SSPN: variants seen among roughly 807,000 people sequenced by gnomAD.
SSPN encodes sarcospan.
SSPN carries 15 observed loss-of-function variants against 19.1 expected under a neutral mutation model. That is an observed-to-expected ratio of 0.78 (90% CI 0.52 to 1.21). The LOEUF is 1.21. Ranked by LOEUF, SSPN falls within the 50% of genes most tolerant of loss-of-function variation. The probability of loss-of-function intolerance (pLI) is 0.00; values close to 1 mark genes in which losing one functional copy is unlikely to be tolerated. For synonymous variants in SSPN, 147 were observed against 140.3 expected (o/e 1.05, Z -0.34); for missense variants, 291 against 314.0 (o/e 0.93, Z 0.55).
chr12:26,150,533 T>C (rs144362785), intron 1 of SSPN, among the ~76,000 whole-genome samples: 9 of 152,342 alleles, frequency 5.9e-5, no homozygotes, highest in African/African-American at 2.2e-4. Flanking sequence ...AAGAGCTCAT[T>C]TACAAGTATG....
At chr12:26,201,048 A>ATAT (rs1555179578) in intron 1 of SSPN, among the ~76,000 whole-genome samples, 2,158 of 64,374 alleles carry the variant, frequency 0.034, 30 homozygotes, top group Admixed American at 0.048. Context: ...TATATATATT[A>ATAT]TATATATATA....
intron 1 of SSPN, chr12:26,124,994 GC>G: frequency 1.6e-6 from 1 of 635,904 alleles, no homozygotes; most frequent in Non-Finnish European, 2.9e-6. Flanking sequence ...ACTCGCGCCG[GC>G]CCCACTGCGC....
At chr12:26,178,699 A>G (rs1257416646) in intron 1 of SSPN, among the ~76,000 whole-genome samples, 1 of 152,218 alleles carries the variant, frequency 6.6e-6, no homozygotes, top group Non-Finnish European at 1.5e-5. Context: ...CACAGACACA[A>G]GAAGCTTGGA....
chr12:26,134,432 T>A (rs574943492), intron 1 of SSPN, among the ~76,000 whole-genome samples: 1 of 152,258 alleles, frequency 6.6e-6, no homozygotes, highest in Non-Finnish European at 1.5e-5. Context: ...AAGACTCATA[T>A]GACTTTTCAG....
chr12:26,126,143 G>A lies in SSPN; in HGVS notation c.-31+3991G>A, dbSNP rs898320979. 1.2e-4 allele frequency: 19 copies of A among 152,324 alleles called. 1 individual carries two copies. Among genetic ancestry groups the A allele is most frequent in the Admixed American group, 1.1e-3 (17 of 15,306 alleles). The allele number at this position is 152,324 out of a possible 1,614,324, so 9.4% of individuals were successfully genotyped here. A position where few individuals can be genotyped will look rare whatever the true frequency, so the allele number is the denominator to read the frequency against. On this transcript the variant is annotated intron_variant, in intron 1 of 2. Transcript: ENST00000538142. Reference sequence around the variant, plus strand: ...TCGCCCTGCAGCCGCGGCGCTCGGCGCCGGGAATCACAGGCCAGCAAGAGC... The same window carrying A: ...TCGCCCTGCAGCCGCGGCGCTCGGCACCGGGAATCACAGGCCAGCAAGAGC...
At chr12:26,200,112 T>C (rs1178998273) in intron 1 of SSPN, among the ~76,000 whole-genome samples, 1 of 152,226 alleles carries the variant, frequency 6.6e-6, no homozygotes, top group Non-Finnish European at 1.5e-5. Flanking sequence ...AAAGTGAGAA[T>C]TTCTTTGCCT....
intron 2 of SSPN, among the ~76,000 whole-genome samples, chr12:26,228,235 A>T (rs1945196523): frequency 6.6e-6 from 1 of 151,870 alleles, no homozygotes; most frequent in Non-Finnish European, 1.5e-5. Flanking sequence ...GTCTCTATCA[A>T]AAAAAATACA....
At chr12:26,230,053 A>C (rs1469759753) in intron 2 of SSPN, among the ~76,000 whole-genome samples, 1 of 152,198 alleles carries the variant, frequency 6.6e-6, no homozygotes, top group East Asian at 1.9e-4. Flanking sequence ...TTTCAGGCTC[A>C]GGAATCACAT....
At chr12:26,123,612 C>A in intron 1 of SSPN, 1 of 1,572,640 alleles carries the variant, frequency 6.4e-7, no homozygotes, top group East Asian at 2.2e-5. Flanking sequence ...GTAGGCTGGC[C>A]TCCCTGAACT....
At chr12:26,193,568 G>A (rs1944801953), upstream of SSPN, among the ~76,000 whole-genome samples, 1 of 152,162 alleles carries the variant, frequency 6.6e-6, no homozygotes. Context: ...GGAAAACCAA[G>A]CATTTTGTTG....
intron 1 of SSPN, among the ~76,000 whole-genome samples, chr12:26,130,759 C>T (rs766970629): frequency 6.6e-6 from 1 of 152,180 alleles, no homozygotes; most frequent in East Asian, 1.9e-4. Flanking sequence ...AAAGTGCCAT[C>T]AGTGTCCCAC....
At chr12:26,185,884 G>C (rs935904255) in intron 1 of SSPN, among the ~76,000 whole-genome samples, 1 of 152,166 alleles carries the variant, frequency 6.6e-6, no homozygotes, top group Admixed American at 6.5e-5. Context: ...CCCTGATTAT[G>C]TGTCTGTCTC....
intron 1 of SSPN, among the ~76,000 whole-genome samples, chr12:26,151,857 TA>T (rs1489532468): frequency 6.6e-6 from 1 of 152,052 alleles, no homozygotes; most frequent in Non-Finnish European, 1.5e-5. Flanking sequence ...TGGTAGAAAA[TA>T]AAAACAAAAC....
intron 1 of SSPN, among the ~76,000 whole-genome samples, chr12:26,204,600 G>T (rs1033992202): frequency 3.9e-5 from 6 of 152,166 alleles, no homozygotes; most frequent in African/African-American, 7.2e-5. Flanking sequence ...TCCTGTGGGG[G>T]GTGGTGATTG....
rs1252252099 is a variant in SSPN at position 26,233,397 on chromosome 12, G to A, written c.*2321G>A. ...ATATATACTATACATATATAAAATG[G>A]GGATATTACTATTGTATGATTAAAT... On this transcript the variant is annotated 3_prime_UTR_variant, in exon 3 of 3. Coordinates refer to ENST00000242729, the MANE Select transcript of SSPN (RefSeq NM_005086.5). This position sits in a 1 kb window ranked among gnomAD's most constrained non-coding sequence, Gnocchi z 4.3. The A allele has an allele frequency of 6.7e-6, 1 of 148,438 alleles. No homozygotes were observed. The highest frequency in any genetic ancestry group is 2.6e-5 in the African/African-American group (1 of 38,628). 9.2% of individuals were successfully genotyped at this position (148,438 alleles called of 1,614,324 possible).
chr12:26,225,078 C>G (rs977098361), intron 2 of SSPN, among the ~76,000 whole-genome samples: 7 of 151,990 alleles, frequency 4.6e-5, no homozygotes, highest in Non-Finnish European at 8.8e-5. Flanking sequence ...TTCATTTTCT[C>G]TCAACTACTA....
chr12:26,156,565 G>A (rs186205200), intron 1 of SSPN, among the ~76,000 whole-genome samples: 41 of 152,308 alleles, frequency 2.7e-4, no homozygotes, highest in Non-Finnish European at 4.6e-4. Flanking sequence ...AGAAAGGCCC[G>A]CGGATTCTTC....
At chr12:26,124,681 G>A in intron 1 of SSPN, 1 of 1,613,522 alleles carries the variant, frequency 6.2e-7, no homozygotes, top group South Asian at 1.1e-5. Context: ...TCAAACCAAA[G>A]CCTAGACAGA....
intron 1 of SSPN, among the ~76,000 whole-genome samples, chr12:26,166,773 G>T (rs185732558): frequency 1.4e-3 from 211 of 152,290 alleles, no homozygotes; most frequent in African/African-American, 4.8e-3. Context: ...CATATAGCCT[G>T]CAAAGCCAAA....
Sources: allele counts gnomAD v4.1 joint callset (sites outside exome capture counted in the v4.1 genomes callset), GRCh38; gene constraint gnomAD v4.1.1; non-coding constraint Gnocchi (gnomAD v3.1); transcripts MANE v1.5; gene names NCBI Gene and HGNC (gene_info 2026-07-23, HGNC 2026-07-21).